The following CREB5 variants were observed in gnomAD, a reference collection of about 807,000 sequenced individuals.
CREB5 encodes cAMP responsive element binding protein 5, also known as cyclic AMP-responsive element-binding protein 5.
In CREB5, 19 loss-of-function variants were observed where a neutral mutation model predicts 57.1. That is an observed-to-expected ratio of 0.33 (90% CI 0.23 to 0.49). The LOEUF (loss-of-function observed/expected upper bound fraction) is 0.49, where lower values mean the gene tolerates loss of function less well. Ranked by LOEUF, CREB5 falls within the 20% of genes least tolerant of loss-of-function variation. The pLI, the probability that CREB5 is intolerant of heterozygous loss-of-function variation, is 0.99. For synonymous variants in CREB5, 238 were observed against 238.3 expected, an observed-to-expected ratio of 1.00 and a Z score of 0.01; for missense variants, 579 against 671.6, an observed-to-expected ratio of 0.86 and a Z score of 1.52.
intron 7 of CREB5, among the ~76,000 whole-genome samples, chr7:28,802,917 T>G (rs1808455544): frequency 6.6e-6 from 1 of 152,270 alleles, no homozygotes; most frequent in Non-Finnish European, 1.5e-5. Context: ...AATTCAGATT[T>G]CCTGTCCCTG....
intron 7 of CREB5, among the ~76,000 whole-genome samples, chr7:28,788,146 A>C (rs1248586240): frequency 3.9e-5 from 6 of 152,078 alleles, no homozygotes; most frequent in Non-Finnish European, 7.4e-5. Context: ...TGGGCTGGAT[A>C]ATTATTTGCT....
chr7:28,611,359 T>A (rs898605015), intron 5 of CREB5, among the ~76,000 whole-genome samples: 2 of 151,616 alleles, frequency 1.3e-5, no homozygotes, highest in African/African-American at 4.9e-5. Context: ...AAGATACATA[T>A]GCCAGGTAGA....
intron 1 of CREB5, among the ~76,000 whole-genome samples, chr7:28,398,604 C>T (rs1043923865): frequency 1.5e-4 from 23 of 152,140 alleles, no homozygotes; most frequent in African/African-American, 5.6e-4. Context: ...GCATGCTGGA[C>T]TTAGTGTCTT....
chr7:28,330,625 C>CA (rs35288750), intron 1 of CREB5, among the ~76,000 whole-genome samples: 28,432 of 140,602 alleles, frequency 0.2, 2,941 homozygotes, highest in East Asian at 0.28. Flanking sequence ...AGTGAAGCAG[C>CA]AAAAAAAAAA....
At chr7:28,620,341 T>C (rs1797747227) in intron 5 of CREB5, among the ~76,000 whole-genome samples, 1 of 152,106 alleles carries the variant, frequency 6.6e-6, no homozygotes, top group African/African-American at 2.4e-5. Flanking sequence ...CTAAATCCAT[T>C]TGGAAGAGGG....
chr7:28,652,812 G>A (rs769405871), intron 5 of CREB5, among the ~76,000 whole-genome samples: 42 of 152,158 alleles, frequency 2.8e-4, no homozygotes, highest in Admixed American at 4.6e-4. Context: ...GATGCTACCC[G>A]AATGTGTAAT....
At chr7:28,772,599 C>T (rs1435901123) in intron 7 of CREB5, among the ~76,000 whole-genome samples, 5 of 152,138 alleles carry the variant, frequency 3.3e-5, no homozygotes, top group African/African-American at 1.2e-4. Flanking sequence ...ACAAAGGAAA[C>T]ACAGGAAGGT....
At chr7:28,660,048 G>A (rs1024337028) in intron 5 of CREB5, among the ~76,000 whole-genome samples, 6 of 152,148 alleles carry the variant, frequency 3.9e-5, no homozygotes, top group Non-Finnish European at 2.9e-5. Context: ...AGTGGCCTTG[G>A]AGCAAAAATT....
chr7:28,787,839 C>A (rs1807424758), intron 7 of CREB5, among the ~76,000 whole-genome samples: 2 of 152,288 alleles, frequency 1.3e-5, no homozygotes, highest in South Asian at 4.1e-4. Context: ...CAGGCATGAA[C>A]CACCACGCCT....
At chr7:28,508,912 G>A (rs1792589062) in intron 4 of CREB5, among the ~76,000 whole-genome samples, 1 of 152,036 alleles carries the variant, frequency 6.6e-6, no homozygotes, top group Admixed American at 6.6e-5. Context: ...AAGGTTCTGA[G>A]CACTTTAAAA....
intron 1 of CREB5, among the ~76,000 whole-genome samples, chr7:28,352,854 C>T (rs933830733): frequency 6.6e-6 from 1 of 152,154 alleles, no homozygotes; most frequent in East Asian, 1.9e-4. Context: ...CATTAATGTG[C>T]CCACTGTCTC....
chr7:28,438,068 G>A (rs1175731995), intron 1 of CREB5, among the ~76,000 whole-genome samples: 6 of 152,076 alleles, frequency 3.9e-5, no homozygotes, highest in Non-Finnish European at 1.5e-5. Flanking sequence ...AGTGTCTTAA[G>A]TGTTTACTGG....
intron 5 of CREB5, among the ~76,000 whole-genome samples, chr7:28,629,087 T>C (rs1345621256): frequency 6.6e-6 from 1 of 152,204 alleles, no homozygotes; most frequent in Non-Finnish European, 1.5e-5. Flanking sequence ...GACCAAATGG[T>C]GCCTCGGTTT....
chr7:28,419,610 A>G (rs941632565), intron 1 of CREB5, among the ~76,000 whole-genome samples: 1 of 152,260 alleles, frequency 6.6e-6, no homozygotes, highest in Non-Finnish European at 1.5e-5. Context: ...GAAAATAAAT[A>G]TGTATATAAA....
chr7:28,637,369 T>G (rs576527051), intron 5 of CREB5, among the ~76,000 whole-genome samples: 1 of 152,162 alleles, frequency 6.6e-6, no homozygotes, highest in Non-Finnish European at 1.5e-5. Context: ...GCTTTTTATG[T>G]AGAAGTCAAC....
At chr7:28,533,205 CAAAAAGAA>C (rs1793803873) in intron 4 of CREB5, among the ~76,000 whole-genome samples, 1 of 151,516 alleles carries the variant, frequency 6.6e-6, no homozygotes, top group African/African-American at 2.4e-5. Context: ...GACTCCATCT[CAAAAAGAA>C]AAAAAGAAAG....
intron 1 of CREB5, among the ~76,000 whole-genome samples, chr7:28,335,842 T>C (rs985915597): frequency 9.9e-5 from 15 of 152,070 alleles, no homozygotes; most frequent in Non-Finnish European, 1.6e-4. Flanking sequence ...GTGGGTCTGT[T>C]GTATATGGCT....
At chr7:28,471,641 T>C (rs1297833831) in intron 1 of CREB5, among the ~76,000 whole-genome samples, 1 of 152,204 alleles carries the variant, frequency 6.6e-6, no homozygotes, top group Non-Finnish European at 1.5e-5. Context: ...TTATAAATAA[T>C]AAAATTAAAA....
intron 5 of CREB5, among the ~76,000 whole-genome samples, chr7:28,630,025 A>G (rs1798144411): frequency 6.6e-6 from 1 of 152,190 alleles, no homozygotes; most frequent in African/African-American, 2.4e-5. Context: ...CAGCCCTGAG[A>G]GGTGGCTACC....
Sources: gnomAD v4.1 joint callset for allele counts (sites outside exome capture counted in the v4.1 genomes callset) on GRCh38, gnomAD v4.1.1 for gene constraint, MANE v1.5 for transcripts, NCBI Gene and HGNC (gene_info 2026-07-23, HGNC 2026-07-21) for gene names.